The following FANCC variants were observed in gnomAD, a reference collection of about 807,000 sequenced individuals.
FANCC encodes the protein FA complementation group C, also known as Fanconi anemia group C protein.
FANCC carries 55 observed loss-of-function variants against 71.3 expected under a neutral mutation model. That is an observed-to-expected ratio of 0.77 (90% CI 0.62 to 0.97). The LOEUF is 0.97. Ranked by LOEUF, FANCC falls within the 50% of genes least tolerant of loss-of-function variation. FANCC has a pLI of 0.00. For missense variants in FANCC, 678 were observed against 670.9 expected (o/e 1.01, Z -0.12); for synonymous variants, 275 against 244.9 (o/e 1.12, Z -1.15).
At chr9:95,249,608 C>T (rs891280500) in intron 1 of FANCC, among the ~76,000 whole-genome samples, 10 of 152,134 alleles carry the variant, frequency 6.6e-5, no homozygotes, top group Admixed American at 3.9e-4. Flanking sequence ...CACAGGCACA[C>T]GCTAATTATG....
chr9:95,240,514 A>C, intron 4 of FANCC, 135 bp downstream of exon 4: 1 of 656,422 alleles, frequency 1.5e-6, no homozygotes, highest in Non-Finnish European at 2.7e-6. Flanking sequence ...ATAATGTAAC[A>C]GTGAAGGGTA....
chr9:95,316,900 G>A (rs1835778945), intron 1 of FANCC: 1 of 152,252 alleles, frequency 6.6e-6, no homozygotes, highest in Admixed American at 6.5e-5. Context: ...GGAAGACACT[G>A]GCCTCTGCGA....
chr9:95,288,447 G>C (rs781401759), intron 1 of FANCC, among the ~76,000 whole-genome samples: 1 of 152,182 alleles, frequency 6.6e-6, no homozygotes, highest in Non-Finnish European at 1.5e-5. Context: ...CTTTGACTGT[G>C]ACTTAACCTT....
chr9:95,225,195 G>T (rs567628929), intron 4 of FANCC, among the ~76,000 whole-genome samples: 1 of 152,162 alleles, frequency 6.6e-6, no homozygotes, highest in Non-Finnish European at 1.5e-5. Context: ...CAGATGTAGC[G>T]ATCAGGCAGC....
chr9:95,102,915 G>A (rs1262318997), intron 14 of FANCC, among the ~76,000 whole-genome samples: 2 of 152,164 alleles, frequency 1.3e-5, no homozygotes, highest in Non-Finnish European at 2.9e-5. Context: ...CCTGCAACGA[G>A]CCCGCCAGGG....
chr9:95,234,725 T>C lies in FANCC; in HGVS notation c.345+5924A>G, dbSNP rs544122947. Among the ~76,000 whole-genome samples the C allele has an allele frequency of 3.3e-5, 5 of 152,220 alleles. No homozygotes were observed. In the East Asian group the frequency reaches 9.6e-4, roughly 29 times the overall value. ...AAGGAATCAGCTAACACCATTACAGTAGCCAGCAAGTCAGAGACACAAGAG... is the reference window on the plus strand; with the variant it reads ...AAGGAATCAGCTAACACCATTACAGCAGCCAGCAAGTCAGAGACACAAGAG... On this transcript the variant is annotated intron_variant, in intron 4 of 14. Coordinates refer to ENST00000289081, the MANE Select transcript of FANCC (RefSeq NM_000136.3).
chr9:95,291,929 G>A (rs1426966402), intron 1 of FANCC, among the ~76,000 whole-genome samples: 4 of 119,862 alleles, frequency 3.3e-5, no homozygotes, highest in Non-Finnish European at 6.5e-5. Flanking sequence ...GCCTAGGTGA[G>A]AGAGTGAGAC....
chr9:95,295,746 AAC>A (rs1173675121), intron 1 of FANCC, among the ~76,000 whole-genome samples: 12 of 151,932 alleles, frequency 7.9e-5, no homozygotes, highest in African/African-American at 2.7e-4. Context: ...CAGCCTGGGC[AAC>A]ACAGTGAGAC....
At chr9:95,198,091 A>AATT (rs1295644442) in intron 4 of FANCC, among the ~76,000 whole-genome samples, 1 of 152,146 alleles carries the variant, frequency 6.6e-6, no homozygotes, top group Non-Finnish European at 1.5e-5. Flanking sequence ...AGAGGTGTTA[A>AATT]AGGCCCCTAA....
At chr9:95,171,477 G>T (rs1327124472) in intron 5 of FANCC, among the ~76,000 whole-genome samples, 1 of 148,690 alleles carries the variant, frequency 6.7e-6, no homozygotes, top group Non-Finnish European at 1.5e-5. Flanking sequence ...AAAAAAAGTT[G>T]TTATTGTACA....
At chr9:95,119,359 CCTTTT>C (rs1383144628) in intron 10 of FANCC, among the ~76,000 whole-genome samples, 65 of 107,554 alleles carry the variant, frequency 6.0e-4, no homozygotes, top group South Asian at 2.1e-3. Context: ...CTTCTTTCTT[CCTTTT>C]CTTTTTTTTT....
At position 95,114,649 on chromosome 9, in the gene FANCC, T is replaced by C. The variant is rs771986157; in HGVS notation, c.1134A>G (p.Ala378=). 2 of 1,614,178 alleles carry C rather than the reference T, an allele frequency of 1.2e-6. No homozygotes were observed. Among genetic ancestry groups the C allele is most frequent in the South Asian group, 2.2e-5 (2 of 91,076 alleles). The change falls in exon 12 of 15, where the codon GCA becomes GCG. Residue 378 remains alanine, a synonymous_variant. Transcript: ENST00000289081. ...LKHISELLRE[A]VEDQTHGSCG... ...CTCACCCATGAGTCTGGTCTTCAAC[T>C]GCTTCTCTGAGCAGTTCAGAAATAT...
intron 14 of FANCC, among the ~76,000 whole-genome samples, chr9:95,105,577 G>C (rs549069164): frequency 3.2e-4 from 49 of 152,284 alleles, no homozygotes; most frequent in African/African-American, 1.2e-3. Flanking sequence ...GTGGCATGCA[G>C]TATGTTTACA....
At chr9:95,191,991 G>T (rs370368807) in intron 4 of FANCC, among the ~76,000 whole-genome samples, 2 of 152,188 alleles carry the variant, frequency 1.3e-5, no homozygotes, top group East Asian at 3.9e-4. Context: ...GGAATGTTAG[G>T]ACATATCTCT....
rs374725743 is a variant in FANCC, at chr9:95,237,022, T to G, written c.345+3627A>C. ...TGCATTTACAGCCAACATGAGATTA[T>G]GTATGTACTGACTGATGATGGGCAA... On this transcript the variant is annotated intron_variant, in intron 4 of 14. Transcript: ENST00000289081. Among the ~76,000 whole-genome samples the G allele has an allele frequency of 6.6e-5, 10 of 152,334 alleles. No individual in the cohort carries two copies. The South Asian group carries it at 2.1e-3, about 32-fold the overall frequency.
chr9:95,257,405 A>G (rs1038619079), intron 1 of FANCC, among the ~76,000 whole-genome samples: 1 of 152,240 alleles, frequency 6.6e-6, no homozygotes, highest in Non-Finnish European at 1.5e-5. Context: ...CTACATGGAA[A>G]CTGAACAACC....
chr9:95,144,779 G>A (rs950812960), intron 7 of FANCC, among the ~76,000 whole-genome samples: 3 of 152,214 alleles, frequency 2.0e-5, no homozygotes, highest in African/African-American at 7.2e-5. Context: ...GCCAGTTGGT[G>A]TGATCAGTGG....
At chr9:95,129,798 C>T (rs1826609206) in intron 8 of FANCC, among the ~76,000 whole-genome samples, 1 of 152,134 alleles carries the variant, frequency 6.6e-6, no homozygotes, top group Admixed American at 6.5e-5. Flanking sequence ...AGGCTTTTCA[C>T]TGAATGCCCA....
chr9:95,145,735 T>A (rs572847388), intron 7 of FANCC, among the ~76,000 whole-genome samples: 120 of 152,096 alleles, frequency 7.9e-4, no homozygotes, highest in African/African-American at 2.7e-3. Flanking sequence ...GGCCTGACTA[T>A]GTGAGAACTG....
Sources: gnomAD v4.1 joint callset for allele counts (sites outside exome capture counted in the v4.1 genomes callset) on GRCh38, gnomAD v4.1.1 for gene constraint, MANE v1.5 for transcripts, NCBI Gene and HGNC (gene_info 2026-07-23, HGNC 2026-07-21) for gene names.